HCRTR2: variants seen among roughly 807,000 people sequenced by gnomAD.
HCRTR2 encodes the protein hypocretin receptor 2, also known as orexin receptor type 2.
Under a neutral mutation model 49.0 loss-of-function variants are expected in HCRTR2, and 22 were observed. The ratio of observed to expected loss-of-function variants is 0.45; its 90% CI spans 0.32 to 0.64. The LOEUF is 0.64. Ranked by LOEUF, HCRTR2 falls within the 30% of genes least tolerant of loss-of-function variation. The pLI is 0.04. For missense variants in HCRTR2, 491 were observed against 559.4 expected (o/e 0.88, Z 1.23); for synonymous variants, 236 against 205.3 (o/e 1.15, Z -1.28).
intron 1 of HCRTR2, among the ~76,000 whole-genome samples, chr6:55,188,979 G>C (rs1174476867): frequency 6.6e-6 from 1 of 152,190 alleles, no homozygotes; most frequent in Non-Finnish European, 1.5e-5. Flanking sequence ...ATAGCTTGAA[G>C]ACACAAAAAT....
intron 1 of HCRTR2, among the ~76,000 whole-genome samples, chr6:55,158,397 G>C (rs1764759514): frequency 6.6e-6 from 1 of 152,190 alleles, no homozygotes; most frequent in Non-Finnish European, 1.5e-5. Context: ...CAGGCACCGA[G>C]CTAGCTGCAG....
rs141299250 is a variant in HCRTR2, at chr6:55,282,411, C to T, written c.1292C>T (p.Thr431Ile). ...SEQVVLTSIS[T>I]LPAANGAGPL... The stretch of plus-strand genomic sequence containing the variant: ...CAAGTTGTGCTCACTAGCATAAGCA[C>T]ACTCCCAGCAGCCAATGGAGCAGGA... The change falls in exon 7 of 7, where the codon ACA becomes ATA. Residue 431 changes from threonine to isoleucine, a missense_variant. By Grantham distance (89) the Thr-to-Ile change is moderately conservative (BLOSUM62 -1). Transcript: ENST00000370862. 2 of 1,611,500 alleles carry T rather than the reference C, an allele frequency of 1.2e-6. No individual in the cohort carries two copies.
chr6:55,242,513 A>G lies in HCRTR2; in HGVS notation c.224-6126A>G, dbSNP rs574919930. On this transcript the variant is annotated intron_variant, in intron 1 of 6. Transcript: ENST00000370862. ...TAATATAATCAAAACTAAATAAATAAGCAAATTCTTAAAATAAAATTGATA... is the reference window on the plus strand; with the variant it reads ...TAATATAATCAAAACTAAATAAATAGGCAAATTCTTAAAATAAAATTGATA... Among the ~76,000 whole-genome samples the G allele has an allele frequency of 8.5e-5, 13 of 152,350 alleles. No individual in the cohort carries two copies. The South Asian group carries it at 2.7e-3, about 32-fold the overall frequency.
chr6:55,139,814 C>A (rs1764482005), intron 1 of HCRTR2, among the ~76,000 whole-genome samples: 1 of 152,210 alleles, frequency 6.6e-6, no homozygotes, highest in Non-Finnish European at 1.5e-5. Context: ...TACTTGAAAT[C>A]TTGCTAACTA....
Position 55,248,711 on chromosome 6 carries a change from C to A in HCRTR2, c.296C>A (p.Ala99Asp), listed in dbSNP as rs1489013398. Residue 99 changes from alanine to aspartate, a missense_variant, in exon 2 of 7, where the codon GCT (alanine) becomes GAT (aspartate). Coordinates refer to ENST00000370862, the MANE Select transcript of HCRTR2 (RefSeq NM_001384272.1). ...TACTTCATAGTCAATCTTTCTCTGG[C>A]TGATGTGCTCGTGACCATCACCTGC... ...TNYFIVNLSL[A>D]DVLVTITCLP... is the part of the protein sequence containing the mutation. The A allele has an allele frequency of 6.2e-7, 1 of 1,613,404 alleles. No homozygotes were observed. The highest frequency in any genetic ancestry group is 1.3e-5 in the African/African-American group (1 of 74,988).
intron 4 of HCRTR2, 78 bp from the exon 5 acceptor site, chr6:55,277,301 CT>C: frequency 8.3e-7 from 1 of 1,206,696 alleles, no homozygotes; most frequent in Non-Finnish European, 1.2e-6. Context: ...CCTTTCCTTA[CT>C]GTGTTTTCTA....
intron 1 of HCRTR2, among the ~76,000 whole-genome samples, chr6:55,140,108 G>C (rs1383681279): frequency 2.0e-5 from 3 of 152,142 alleles, no homozygotes; most frequent in East Asian, 1.9e-4. Flanking sequence ...ATTGAGACCA[G>C]CTGAAAAGAA....
At chr6:55,204,303 T>A (rs546168537) in intron 1 of HCRTR2, among the ~76,000 whole-genome samples, 9 of 152,296 alleles carry the variant, frequency 5.9e-5, no homozygotes, top group Admixed American at 5.2e-4. Context: ...GAGGGCACCC[T>A]CTGGATTAGG....
At chr6:55,160,619 G>T (rs562220084) in intron 1 of HCRTR2, among the ~76,000 whole-genome samples, 1 of 152,016 alleles carries the variant, frequency 6.6e-6, no homozygotes, top group Non-Finnish European at 1.5e-5. Flanking sequence ...ATATAGGCTC[G>T]AAATAAAGGG....
intron 1 of HCRTR2, among the ~76,000 whole-genome samples, chr6:55,150,336 T>TATC (rs143372449): frequency 1.2e-3 from 183 of 150,060 alleles, no homozygotes; most frequent in African/African-American, 4.1e-3. Flanking sequence ...TTATTATTAT[T>TATC]GGTGTGATAA....
intron 1 of HCRTR2, among the ~76,000 whole-genome samples, chr6:55,192,274 C>G (rs1195207209): frequency 2.0e-5 from 3 of 152,032 alleles, no homozygotes; most frequent in African/African-American, 7.3e-5. Context: ...TAATTATTGG[C>G]TGGACATGGT....
At chr6:55,133,380 C>T (rs969666995) in intron 1 of HCRTR2, among the ~76,000 whole-genome samples, 3 of 104,654 alleles carry the variant, frequency 2.9e-5, no homozygotes, top group Non-Finnish European at 6.9e-5. Context: ...CACATACACA[C>T]ACACAAAAAA....
chr6:55,278,792 G>T (rs1190306614), intron 5 of HCRTR2, among the ~76,000 whole-genome samples: 3 of 149,580 alleles, frequency 2.0e-5, no homozygotes, highest in African/African-American at 7.4e-5. Context: ...ATTTATTATG[G>T]CCACCTGCTA....
Position 55,277,607 on chromosome 6 carries a change from C to A in HCRTR2, c.983+7C>A. On this transcript the variant is annotated splice_region_variant and intron_variant, in intron 5 of 6. Coordinates refer to ENST00000370862, the MANE Select transcript of HCRTR2 (RefSeq NM_001384272.1). The stretch of plus-strand genomic sequence containing the variant: ...TCCTCAATGTGCTAAAGAGGTAAAA[C>A]TTATCTGTTATTTGAAAATGAAATA... 6.3e-7 allele frequency: 1 copy of A among 1,581,656 alleles called. No individual in the cohort carries two copies. The highest frequency in any genetic ancestry group is 8.7e-7 in the Non-Finnish European group (1 of 1,151,068).
At chr6:55,147,033 A>C (rs911160076) in intron 1 of HCRTR2, among the ~76,000 whole-genome samples, 26 of 152,304 alleles carry the variant, frequency 1.7e-4, no homozygotes, top group African/African-American at 6.0e-4. Flanking sequence ...AAAAATCCCA[A>C]ATGTTTCTAA....
At chr6:55,262,357 ATATAATG>A (rs1463128228) in intron 3 of HCRTR2, among the ~76,000 whole-genome samples, 1 of 141,188 alleles carries the variant, frequency 7.1e-6, no homozygotes, top group Non-Finnish European at 1.5e-5. Context: ...ATATATAAAT[ATATAATG>A]TATTATAGTT....
At chr6:55,270,759 T>C (rs1766957874) in intron 4 of HCRTR2, among the ~76,000 whole-genome samples, 1 of 152,230 alleles carries the variant, frequency 6.6e-6, no homozygotes, top group East Asian at 1.9e-4. Context: ...TATCTTTTTA[T>C]GTATATGAAA....
intron 1 of HCRTR2, among the ~76,000 whole-genome samples, chr6:55,197,877 T>A (rs1232835491): frequency 6.6e-6 from 1 of 152,134 alleles, no homozygotes; most frequent in Non-Finnish European, 1.5e-5. Context: ...TGCCTCGGCC[T>A]CCCAAAGTGC....
intron 1 of HCRTR2, among the ~76,000 whole-genome samples, chr6:55,225,963 C>T (rs929863874): frequency 1.1e-4 from 17 of 152,230 alleles, no homozygotes; most frequent in Middle Eastern, 3.2e-3. Flanking sequence ...CACCACAATA[C>T]TGTTAAAAAG....
Sources: allele counts gnomAD v4.1 joint callset (sites outside exome capture counted in the v4.1 genomes callset), GRCh38; gene constraint gnomAD v4.1.1; transcripts MANE v1.5; gene names NCBI Gene and HGNC (gene_info 2026-07-23, HGNC 2026-07-21).